MYO3B: variants seen among roughly 807,000 people sequenced by gnomAD.
MYO3B encodes the protein myosin-IIIb.
A neutral mutation model predicts 174.6 loss-of-function variants in MYO3B; 156 were observed. The ratio of observed to expected loss-of-function variants is 0.89; its 90% confidence interval spans 0.78 to 1.02. MYO3B has a LOEUF of 1.02. Among genes scored for constraint, MYO3B ranks in the 50% least tolerant of loss-of-function variants. MYO3B has a pLI of 0.00. For synonymous variants in MYO3B, 563 were observed against 569.1 expected (o/e 0.99, Z 0.15); for missense variants, 1,632 against 1,639.4 (o/e 1.00, Z 0.08).
chr2:170,619,373 A>G (rs1049552060), intron 32 of MYO3B, among the ~76,000 whole-genome samples: 2 of 152,174 alleles, frequency 1.3e-5, no homozygotes. Context: ...ACAATCCTGC[A>G]TGCAACTTTG....
intron 6 of MYO3B, among the ~76,000 whole-genome samples, chr2:170,228,163 G>A (rs1424660): frequency 0.9 from 137,281 of 152,128 alleles, 63,385 homozygotes; most frequent in East Asian, 1. Context: ...TATGGACTCT[G>A]TTTGGAAGTG....
At chr2:170,225,997 A>G (rs954319539) in intron 6 of MYO3B, among the ~76,000 whole-genome samples, 2 of 152,194 alleles carry the variant, frequency 1.3e-5, no homozygotes, top group Admixed American at 1.3e-4. Context: ...TGTCTATTTT[A>G]CAGGGAACAT....
chr2:170,647,001 C>T, intron 32 of MYO3B: 7 of 1,024,628 alleles, frequency 6.8e-6, no homozygotes, highest in Non-Finnish European at 9.7e-6. Context: ...AGTTTTGTTA[C>T]TGTCCATCAT....
At chr2:170,382,943 A>G (rs1244758568) in intron 10 of MYO3B, 130 bp from the exon 11 acceptor site, 9 of 636,584 alleles carry the variant, frequency 1.4e-5, no homozygotes, top group East Asian at 2.5e-5. Flanking sequence ...GGGTCATTGT[A>G]TGATTTAAAT....
intron 32 of MYO3B, among the ~76,000 whole-genome samples, chr2:170,635,575 G>A (rs1237233507): frequency 6.6e-6 from 1 of 151,978 alleles, no homozygotes; most frequent in Non-Finnish European, 1.5e-5. Flanking sequence ...TAACAAACCT[G>A]CACATTGTGT....
intron 22 of MYO3B, among the ~76,000 whole-genome samples, chr2:170,437,470 TCCTATAC>T (rs1308547423): frequency 1.3e-5 from 2 of 152,152 alleles, no homozygotes; most frequent in Non-Finnish European, 2.9e-5. Flanking sequence ...GAGCTGCTCT[TCCTATAC>T]CCACAGAAAA....
At chr2:170,587,554 T>C (rs996097349) in intron 32 of MYO3B, among the ~76,000 whole-genome samples, 21 of 152,114 alleles carry the variant, frequency 1.4e-4, no homozygotes, top group Admixed American at 1.3e-3. Context: ...AAGAGCAAAG[T>C]GATGGAAGTT....
intron 25 of MYO3B, among the ~76,000 whole-genome samples, chr2:170,469,345 T>G (rs1684833289): frequency 6.6e-6 from 1 of 152,198 alleles, no homozygotes; most frequent in African/African-American, 2.4e-5. Context: ...TTTCAAGGAT[T>G]ACTTGCAGAT....
intron 9 of MYO3B, among the ~76,000 whole-genome samples, chr2:170,371,859 T>C (rs543681238): frequency 7.5e-6 from 1 of 133,302 alleles, no homozygotes; most frequent in East Asian, 2.1e-4. Flanking sequence ...TCCCAGCACG[T>C]TGGGAGGCTG....
At chr2:170,372,139 A>AAAAAAAAAC (rs2094252931) in intron 9 of MYO3B, among the ~76,000 whole-genome samples, 1 of 148,788 alleles carries the variant, frequency 6.7e-6, no homozygotes, top group African/African-American at 2.4e-5. Context: ...AAAAAAAAAA[A>AAAAAAAAAC]AAAAAACAAC....
chr2:170,359,296 C>T (rs367664630), intron 8 of MYO3B, among the ~76,000 whole-genome samples: 1 of 152,160 alleles, frequency 6.6e-6, no homozygotes, highest in African/African-American at 2.4e-5. Flanking sequence ...TCTTTTCTTT[C>T]AACACTCTTG....
intron 8 of MYO3B, among the ~76,000 whole-genome samples, chr2:170,355,929 A>C (rs1012055410): frequency 3.3e-5 from 5 of 151,746 alleles, no homozygotes; most frequent in Admixed American, 2.6e-4. Context: ...GTAAGGCATC[A>C]GTTTATTTAT....
At chr2:170,557,394 C>G (rs1052013374) in intron 32 of MYO3B, among the ~76,000 whole-genome samples, 1 of 152,130 alleles carries the variant, frequency 6.6e-6, no homozygotes, top group Non-Finnish European at 1.5e-5. Flanking sequence ...CCGCCTCTGC[C>G]TCCCAAAGTG....
At chr2:170,323,686 T>C (rs1334880020) in intron 7 of MYO3B, among the ~76,000 whole-genome samples, 1 of 152,194 alleles carries the variant, frequency 6.6e-6, no homozygotes, top group Admixed American at 6.5e-5. Flanking sequence ...ATCTTCCTCA[T>C]AGGGTTTATG....
intron 30 of MYO3B, among the ~76,000 whole-genome samples, chr2:170,529,441 C>CCTTCCTT (rs1222148524): frequency 6.6e-6 from 1 of 151,790 alleles, no homozygotes; most frequent in Admixed American, 6.6e-5. Flanking sequence ...TCCCTCCCTC[C>CCTTCCTT]CTTCCTTCTT....
chr2:170,411,526 A>G (rs55912392), intron 22 of MYO3B, among the ~76,000 whole-genome samples: 26,993 of 152,192 alleles, frequency 0.18, 3,067 homozygotes, highest in East Asian at 0.57. Flanking sequence ...ATAATGTTAC[A>G]GGACCACCAG....
chr2:170,516,966 T>G (rs933450206), intron 29 of MYO3B, among the ~76,000 whole-genome samples: 1 of 152,218 alleles, frequency 6.6e-6, no homozygotes, highest in Non-Finnish European at 1.5e-5. Context: ...TTTTTTTCCT[T>G]CATATCTCCA....
At chr2:170,328,368 A>G (rs541528968) in intron 7 of MYO3B, among the ~76,000 whole-genome samples, 34 of 152,230 alleles carry the variant, frequency 2.2e-4, no homozygotes, top group African/African-American at 7.9e-4. Context: ...CACTATTTAC[A>G]GTGTGTTCTA....
At chr2:170,186,098 C>T (rs557713120) in intron 1 of MYO3B, among the ~76,000 whole-genome samples, 17 of 152,234 alleles carry the variant, frequency 1.1e-4, no homozygotes, top group African/African-American at 4.1e-4. Context: ...TGACTTCTTC[C>T]TTTCCAATTT....
Sources: allele counts gnomAD v4.1 joint callset (sites outside exome capture counted in the v4.1 genomes callset), GRCh38; gene constraint gnomAD v4.1.1; transcripts MANE v1.5; gene names NCBI Gene and HGNC (gene_info 2026-07-23, HGNC 2026-07-21).